The following ADIG variants were observed in gnomAD, a reference collection of about 807,000 sequenced individuals.
ADIG encodes adipogenesis associated.
Under a neutral mutation model 10.7 loss-of-function variants are expected in ADIG, and 12 were observed. The observed-to-expected ratio is 1.12, with a 90% CI of 0.72 to 1.82. The LOEUF is 1.82. Among genes scored for constraint, ADIG ranks in the 40% most tolerant of loss-of-function variants. The pLI, the probability that ADIG is intolerant of heterozygous loss-of-function variation, is 0.00. For missense variants in ADIG, 72 were observed against 92.5 expected (o/e 0.78, Z 0.91); for synonymous variants, 32 against 35.6 (o/e 0.90, Z 0.36).
chr20:38,588,180 T>C lies in ADIG; in HGVS notation c.*94T>C, dbSNP rs191196275. The C allele has an allele frequency of 1.0e-4, 134 of 1,304,842 alleles. No homozygotes were observed. The African/African-American group carries it at 1.9e-3, about 19-fold the overall frequency. 80.8% of individuals were successfully genotyped at this position (1,304,842 alleles called of 1,614,324 possible). On this transcript the variant is annotated 3_prime_UTR_variant, in exon 3 of 3. Coordinates refer to ENST00000537425, the MANE Select transcript of ADIG (RefSeq NM_001393816.1). ...GACTTGCCAGGGAGGCAAGAGGACT[T>C]TGGCAACTGTGGTGCCTCCCTGGAA...
At chr20:38,587,481 T>G (rs1288821687) in intron 2 of ADIG, among the ~76,000 whole-genome samples, 1 of 152,180 alleles carries the variant, frequency 6.6e-6, no homozygotes, top group Non-Finnish European at 1.5e-5. Flanking sequence ...TCCACAGGTG[T>G]GTAACCTGCA....
intron 2 of ADIG, among the ~76,000 whole-genome samples, chr20:38,587,372 A>AT (rs925806213): frequency 2.6e-5 from 4 of 151,982 alleles, no homozygotes; most frequent in African/African-American, 9.7e-5. Flanking sequence ...AGTTGTAATG[A>AT]TTTTTTAGCC....
intron 1 of ADIG, among the ~76,000 whole-genome samples, chr20:38,584,893 T>C (rs1264882642): frequency 6.6e-6 from 1 of 152,150 alleles, no homozygotes; most frequent in East Asian, 1.9e-4. Flanking sequence ...TTCTCCTGCC[T>C]CAACCTCCTG....
chr20:38,587,784 C>G (rs1273372359), intron 2 of ADIG, among the ~76,000 whole-genome samples: 1 of 144,634 alleles, frequency 6.9e-6, no homozygotes, highest in Non-Finnish European at 1.5e-5. Context: ...GTTCCCCAGG[C>G]TGGAGTGCAG....
intron 1 of ADIG, 73 bp downstream of exon 1, chr20:38,581,447 C>A (rs755582569): frequency 5.1e-5 from 81 of 1,590,852 alleles, no homozygotes; most frequent in Non-Finnish European, 6.3e-5. Context: ...GCCAGTGTGT[C>A]CTGAAACAAC....
Position 38,581,283 on chromosome 20 carries a change from C to G in ADIG, c.33C>G (p.Asp11Glu), listed in dbSNP as rs372877200. The G allele has an allele frequency of 6.4e-5, 103 of 1,613,756 alleles. No individual in the cohort carries two copies. The highest frequency in any genetic ancestry group is 5.7e-5 in the Non-Finnish European group (67 of 1,179,890). MKYPLMPLVN[D>E]LTFSFLVFWF... ...ACCCTTTGATGCCGCTGGTGAACGA[C>G]CTCACATTTTCTTTCCTGGTTTTCT... is the stretch of plus-strand genomic sequence containing the variant. The change falls in exon 1 of 3, where the codon GAC becomes GAG. Residue 11 changes from aspartate (D) to glutamate (E), a missense_variant. Transcript: ENST00000537425.
rs1483248064 is a variant in ADIG at position 38,581,899 on chromosome 20, G to A, written c.124+525G>A. 3.3e-5 allele frequency among the ~76,000 whole-genome samples: 5 copies of A among 152,242 alleles called. No individual in the cohort carries two copies. In the East Asian group the frequency reaches 9.6e-4, roughly 29 times the overall value. ...CACTCACTGTTTCTGCCTAAGCCAT[G>A]TATCAGAAAGGATCTGGCTGCTTTG... On this transcript the variant is annotated intron_variant, in intron 1 of 2. Transcript: ENST00000537425.
Position 38,588,205 on chromosome 20 carries a change from A to T in ADIG, c.*119A>T. Reference sequence around the variant, plus strand: ...TTGGCAACTGTGGTGCCTCCCTGGAACCCCCAACTCATCTCCTCTTCAGAC... The same window carrying T: ...TTGGCAACTGTGGTGCCTCCCTGGATCCCCCAACTCATCTCCTCTTCAGAC... On this transcript the variant is annotated 3_prime_UTR_variant, in exon 3 of 3. Transcript: ENST00000537425. 1 of 1,304,484 alleles carries T rather than the reference A, an allele frequency of 7.7e-7. No homozygotes were observed. The highest frequency in any genetic ancestry group is 1.0e-6 in the Non-Finnish European group (1 of 988,898). 80.8% of individuals were successfully genotyped at this position (1,304,484 alleles called of 1,614,324 possible).
chr20:38,583,250 TTAA>T lies in ADIG; in HGVS notation c.124+1882_124+1884del, dbSNP rs1464181365. Among the ~76,000 whole-genome samples, 8 of 152,300 alleles carry T rather than the reference TTAA, an allele frequency of 5.3e-5. No homozygotes were observed. The East Asian group carries it at 1.5e-3, about 29-fold the overall frequency. ...TCATAATAACCCTGCTTAATAATAC[TTAA>T]TAATATCACAATTGGGGAAACTGAG... On this transcript the variant is annotated intron_variant, in intron 1 of 2. Transcript: ENST00000537425.
At chr20:38,586,761 G>C (rs1601121184) in intron 2 of ADIG, among the ~76,000 whole-genome samples, 1 of 152,042 alleles carries the variant, frequency 6.6e-6, no homozygotes, top group East Asian at 1.9e-4. Context: ...ATCCTTGGGG[G>C]CTCAATAGGT....
At chr20:38,584,852 A>G (rs1234776883) in intron 1 of ADIG, among the ~76,000 whole-genome samples, 1 of 151,660 alleles carries the variant, frequency 6.6e-6, no homozygotes, top group Non-Finnish European at 1.5e-5. Context: ...ATCTCGGCTC[A>G]CTGCAACCTC....
intron 1 of ADIG, among the ~76,000 whole-genome samples, chr20:38,582,889 C>T (rs1448777826): frequency 2.0e-5 from 3 of 152,148 alleles, no homozygotes; most frequent in Non-Finnish European, 4.4e-5. Flanking sequence ...ACAATCTCGG[C>T]TCACTGCAAC....
chr20:38,586,419 C>A (rs1310719668), intron 2 of ADIG, among the ~76,000 whole-genome samples: 1 of 152,174 alleles, frequency 6.6e-6, no homozygotes, highest in African/African-American at 2.4e-5. Flanking sequence ...GGGCCTCACC[C>A]CCCACCACTT....
At chr20:38,587,684 C>T (rs974431156) in intron 2 of ADIG, among the ~76,000 whole-genome samples, 1 of 57,592 alleles carries the variant, frequency 1.7e-5, no homozygotes, top group African/African-American at 5.6e-5. Flanking sequence ...CCCATTTATG[C>T]ATAGCCCTTC....
At position 38,585,060 on chromosome 20, in the gene ADIG, C is replaced by T. The variant is rs555232542; in HGVS notation, c.125-969C>T. 3.9e-5 allele frequency among the ~76,000 whole-genome samples: 6 copies of T among 152,360 alleles called. No homozygotes were observed. In the East Asian group the frequency reaches 1.2e-3, roughly 29 times the overall value. ...AAAGTGCTGGGATTACAGGCGTGAG[C>T]CACTGTGCCCGGCCCCTACTGACTT... is the stretch of plus-strand genomic sequence containing the variant. On this transcript the variant is annotated intron_variant, in intron 1 of 2. Transcript: ENST00000537425.
chr20:38,587,983 C>A, intron 2 of ADIG, 118 bp from the exon 3 acceptor site: 1 of 1,166,404 alleles, frequency 8.6e-7, no homozygotes, highest in Non-Finnish European at 1.1e-6. Context: ...GATGATCCAC[C>A]TGCCTCGGCT....
At chr20:38,585,330 T>G (rs2088626753) in intron 1 of ADIG, 2 of 1,271,060 alleles carry the variant, frequency 1.6e-6, no homozygotes, top group East Asian at 5.1e-5. Flanking sequence ...GCAAACTCAT[T>G]AACGTGTGCA....
chr20:38,583,611 T>A (rs1270675757), intron 1 of ADIG, among the ~76,000 whole-genome samples: 2 of 152,228 alleles, frequency 1.3e-5, no homozygotes, highest in African/African-American at 4.8e-5. Context: ...ATGCAGGTGG[T>A]GTGGCTTTGG....
At position 38,586,020 on chromosome 20, in the gene ADIG, T is replaced by C. The variant is rs2088632924; in HGVS notation, c.125-9T>C. ...ACCATCCAAGAGGCCTTGCCTCGTA[T>C]CTCCACAGATTCAGAGGAAAATGAC... On this transcript the variant is annotated splice_polypyrimidine_tract_variant and intron_variant, in intron 1 of 2. Coordinates refer to ENST00000537425, the MANE Select transcript of ADIG (RefSeq NM_001393816.1). 6.3e-7 allele frequency: 1 copy of C among 1,597,296 alleles called. No individual in the cohort carries two copies. Among genetic ancestry groups the C allele is most frequent in the Non-Finnish European group, 8.5e-7 (1 of 1,171,766 alleles).
Sources: allele counts gnomAD v4.1 joint callset (sites outside exome capture counted in the v4.1 genomes callset), GRCh38; gene constraint gnomAD v4.1.1; transcripts MANE v1.5; gene names NCBI Gene and HGNC (gene_info 2026-07-23, HGNC 2026-07-21).